The following DHX35 variants were observed in gnomAD, a reference collection of about 807,000 sequenced individuals.
DHX35 encodes the protein DEAH-box helicase 35, also known as probable ATP-dependent RNA helicase DHX35.
In DHX35, 84 loss-of-function variants were observed where a neutral mutation model predicts 99.6. The observed-to-expected ratio is 0.84, with a 90% CI of 0.71 to 1.01. The LOEUF (loss-of-function observed/expected upper bound fraction) is 1.01, where lower values mean the gene tolerates loss of function less well. DHX35 is among the 50% of genes least tolerant of loss of function. The pLI is 0.00. For synonymous variants in DHX35, 331 were observed against 316.2 expected (o/e 1.05, Z -0.50); for missense variants, 852 against 888.5 (o/e 0.96, Z 0.52).
At chr20:38,992,587 A>G (rs1310725923) in intron 7 of DHX35, among the ~76,000 whole-genome samples, 162 bp downstream of exon 7, 1 of 149,498 alleles carries the variant, frequency 6.7e-6, no homozygotes, top group Non-Finnish European at 1.5e-5. Context: ...GAATGTTGGT[A>G]TATTTTCTTC....
intron 3 of DHX35, among the ~76,000 whole-genome samples, chr20:38,974,676 G>T (rs2086050269): frequency 6.6e-6 from 1 of 152,188 alleles, no homozygotes; most frequent in Non-Finnish European, 1.5e-5. Context: ...TGAACATCCT[G>T]ATACATGCAG....
chr20:38,988,446 A>T (rs1025389401), intron 4 of DHX35, among the ~76,000 whole-genome samples: 2 of 152,122 alleles, frequency 1.3e-5, no homozygotes, highest in African/African-American at 4.8e-5. Context: ...CCTGGCCAAC[A>T]TGGCGAAACC....
chr20:38,983,639 G>C, intron 3 of DHX35, 60 bp from the exon 4 acceptor site: 1 of 1,390,606 alleles, frequency 7.2e-7, no homozygotes, highest in Non-Finnish European at 1.0e-6. Flanking sequence ...GAGCATCTTG[G>C]GGGAGATTGC....
intron 3 of DHX35, 91 bp from the exon 4 acceptor site, chr20:38,983,608 A>G (rs1486780356): frequency 1.7e-5 from 17 of 1,000,258 alleles, no homozygotes; most frequent in Non-Finnish European, 2.4e-5. Context: ...TTCCTTTCTT[A>G]GTGATTTTAA....
Position 39,039,322 on chromosome 20 carries a change from G to T in DHX35, c.*779G>T, listed in dbSNP as rs548035686. 1 of 152,666 alleles carries T rather than the reference G, an allele frequency of 6.6e-6. No homozygotes were observed. Among genetic ancestry groups the T allele is most frequent in the South Asian group, 2.1e-4 (1 of 4,834 alleles). 9.5% of individuals were successfully genotyped at this position (152,666 alleles called of 1,614,324 possible). A position where few individuals can be genotyped will look rare whatever the true frequency, so the allele number is the denominator to read the frequency against. On this transcript the variant is annotated 3_prime_UTR_variant, in exon 22 of 22. Transcript: ENST00000252011. ...TCCCACAGGGCCTCCTCTTTAGCAG[G>T]AATTCACAACAGTTTGGATGCCCTA... is the stretch of plus-strand genomic sequence containing the variant.
rs1237309926 is a variant in DHX35, at chr20:38,969,096, G to A, written c.56G>A (p.Gly19Asp). The A allele has an allele frequency of 2.5e-6, 4 of 1,612,386 alleles. No homozygotes were observed. Among genetic ancestry groups the A allele is most frequent in the Non-Finnish European group, 3.4e-6 (4 of 1,178,800 alleles). ...KFWRPGTEGP[G>D]VSISEERQSL... ...TCTGCTGCAGGTACAGAGGGGCCAGGTGTAAGCATCTCTGAAGAGAGACAA... is the reference window on the plus strand; with the variant it reads ...TCTGCTGCAGGTACAGAGGGGCCAGATGTAAGCATCTCTGAAGAGAGACAA... The change falls in exon 2 of 22, where the codon GGT becomes GAT. Residue 19 changes from glycine to aspartate, a missense_variant. Gly to Asp is a moderately conservative substitution (Grantham distance 94, BLOSUM62 -1). Transcript: ENST00000252011.
chr20:39,016,808 A>G (rs934933201), intron 14 of DHX35, among the ~76,000 whole-genome samples: 1 of 149,638 alleles, frequency 6.7e-6, no homozygotes, highest in African/African-American at 2.5e-5. Flanking sequence ...GCCCATTTGT[A>G]AATCTTCTTT....
intron 9 of DHX35, among the ~76,000 whole-genome samples, 200 bp from the exon 10 acceptor site, chr20:39,002,572 A>G (rs1321473498): frequency 2.0e-5 from 3 of 152,258 alleles, no homozygotes; most frequent in African/African-American, 7.2e-5. Context: ...GCTAAAAATC[A>G]TAGTTGACAT....
At chr20:38,994,268 C>G (rs961026710) in intron 7 of DHX35, among the ~76,000 whole-genome samples, 1 of 151,906 alleles carries the variant, frequency 6.6e-6, no homozygotes, top group Non-Finnish European at 1.5e-5. Flanking sequence ...TAAATCCTTG[C>G]CAATGGGATA....
At chr20:39,012,410 AAAT>A (rs765946322) in intron 13 of DHX35, among the ~76,000 whole-genome samples, 1 of 152,236 alleles carries the variant, frequency 6.6e-6, no homozygotes, top group Non-Finnish European at 1.5e-5. Context: ...AATATTCACT[AAAT>A]AAAGCTAAAG....
At position 39,006,209 on chromosome 20, in the gene DHX35, G is replaced by A. The variant is rs2145904173; in HGVS notation, c.1075G>A (p.Asp359Asn). The A allele has an allele frequency of 2.5e-6, 4 of 1,614,110 alleles. No individual in the cohort carries two copies. The highest frequency in any genetic ancestry group is 3.4e-6 in the Non-Finnish European group (4 of 1,180,020). Residue 359 changes from aspartate to asparagine, a missense_variant, in exon 12 of 22, where the codon GAC (aspartate) becomes AAC (asparagine). Asp to Asn is a conservative substitution (Grantham distance 23). Coordinates refer to ENST00000252011, the MANE Select transcript of DHX35 (RefSeq NM_021931.4). ...ITISGIVYVI[D>N]CGFVKLRAYN... ...AATCAGCGGCATTGTGTATGTGATC[G>A]ACTGTGGCTTTGTGAAACTCCGAGC... is the stretch of plus-strand genomic sequence containing the variant.
intron 12 of DHX35, among the ~76,000 whole-genome samples, 181 bp downstream of exon 12, chr20:39,006,537 TAG>T (rs1274254944): frequency 6.6e-5 from 10 of 152,238 alleles, no homozygotes; most frequent in African/African-American, 2.4e-4. Context: ...TCTTTGTTAC[TAG>T]TCCCCATTGG....
intron 3 of DHX35, among the ~76,000 whole-genome samples, chr20:38,976,004 C>A (rs976511760): frequency 6.6e-6 from 1 of 152,160 alleles, no homozygotes; most frequent in African/African-American, 2.4e-5. Context: ...TTTACTCCTG[C>A]AAGGCTTAGC....
intron 7 of DHX35, among the ~76,000 whole-genome samples, chr20:38,994,345 A>C (rs1168240963): frequency 6.6e-6 from 1 of 151,696 alleles, no homozygotes; most frequent in Non-Finnish European, 1.5e-5. Flanking sequence ...CACTTCTCCA[A>C]TGCCTGTTGA....
At chr20:38,968,922 C>T (rs1012325086) in intron 1 of DHX35, among the ~76,000 whole-genome samples, 159 bp from the exon 2 acceptor site, 2 of 152,192 alleles carry the variant, frequency 1.3e-5, no homozygotes, top group African/African-American at 4.8e-5. Context: ...AGGCACTTTT[C>T]TGGATTCTTT....
intron 1 of DHX35, among the ~76,000 whole-genome samples, chr20:38,966,395 C>T (rs1359249784): frequency 2.0e-5 from 3 of 152,138 alleles, no homozygotes; most frequent in South Asian, 2.1e-4. Context: ...CTCAGCTGGG[C>T]GTGGTGGCTC....
intron 3 of DHX35, among the ~76,000 whole-genome samples, chr20:38,981,710 A>G (rs2086175835): frequency 6.6e-6 from 1 of 152,118 alleles, no homozygotes; most frequent in African/African-American, 2.4e-5. Context: ...TGGGCGGCCA[A>G]AGTGGGTGGA....
chr20:38,992,299 A>G lies in DHX35; in HGVS notation c.513-57A>G, dbSNP rs374442583. 8.6e-5 allele frequency: 125 copies of G among 1,445,790 alleles called. No homozygotes were observed. The African/African-American group carries it at 1.7e-3, about 20-fold the overall frequency. The allele number at this position is 1,445,790 out of a possible 1,614,324, so 89.6% of individuals were successfully genotyped here. The stretch of plus-strand genomic sequence containing the variant: ...ACCCAGAAGCTCTTTGATGGTCTAG[A>G]TGAGATGATGTGTGGCTTTTTTAGA... On this transcript the variant is annotated intron_variant, in intron 6 of 21. Coordinates refer to ENST00000252011, the MANE Select transcript of DHX35 (RefSeq NM_021931.4).
chr20:39,020,885 A>C (rs1381083806), intron 15 of DHX35, among the ~76,000 whole-genome samples: 2 of 151,154 alleles, frequency 1.3e-5, no homozygotes, highest in African/African-American at 4.9e-5. Flanking sequence ...CTGGTTTTGA[A>C]CTCCTGACCT....
Sources: allele counts gnomAD v4.1 joint callset (sites outside exome capture counted in the v4.1 genomes callset), GRCh38; gene constraint gnomAD v4.1.1; transcripts MANE v1.5; gene names NCBI Gene and HGNC (gene_info 2026-07-23, HGNC 2026-07-21).